HERC2: variants seen among roughly 807,000 people sequenced by gnomAD.
HERC2 encodes the protein E3 ubiquitin-protein ligase HERC2.
Under a neutral mutation model 537.7 loss-of-function variants are expected in HERC2, and 102 were observed. That is an observed-to-expected ratio of 0.19 (90% CI 0.16 to 0.22). The LOEUF (loss-of-function observed/expected upper bound fraction) is 0.22. Among genes scored for constraint, HERC2 ranks in the 10% least tolerant of loss-of-function variants. The probability of loss-of-function intolerance (pLI) is 1.00; values close to 1 mark genes in which losing one functional copy is unlikely to be tolerated. For missense variants in HERC2, 4,236 were observed against 6,198.2 expected (o/e 0.68, Z 10.63); for synonymous variants, 2,224 against 2,466.2 (o/e 0.90, Z 2.91).
chr15:28,193,426 T>C (rs1341571882), intron 52 of HERC2, among the ~76,000 whole-genome samples: 1 of 152,074 alleles, frequency 6.6e-6, no homozygotes, highest in Non-Finnish European at 1.5e-5. Context: ...AATGAAGAAC[T>C]GAGGAACAAA....
At chr15:28,242,121 T>A (rs1487454678) in intron 23 of HERC2, among the ~76,000 whole-genome samples, 3 of 152,168 alleles carry the variant, frequency 2.0e-5, no homozygotes, top group African/African-American at 7.2e-5. Flanking sequence ...AGTAGTCAAA[T>A]TCAGACACAG....
intron 4 of HERC2, among the ~76,000 whole-genome samples, chr15:28,284,919 GAAAAAA>G (rs551327935): frequency 6.1e-5 from 2 of 32,526 alleles, no homozygotes; most frequent in Non-Finnish European, 1.3e-4. Context: ...CTCCGTCTCG[GAAAAAA>G]AAAAAAAAAA....
At chr15:28,299,323 T>C (rs1238608372) in intron 3 of HERC2, 79 bp downstream of exon 3, 5 of 590,792 alleles carry the variant, frequency 8.5e-6, no homozygotes, top group Non-Finnish European at 9.1e-6. Flanking sequence ...CCTGTTCCTA[T>C]AGCACATTAC....
At chr15:28,127,591 G>A (rs1467145495) in intron 83 of HERC2, among the ~76,000 whole-genome samples, 2 of 152,156 alleles carry the variant, frequency 1.3e-5, no homozygotes, top group Non-Finnish European at 2.9e-5. Context: ...CAATAGCAAT[G>A]AGCACACCCA....
At chr15:28,289,441 G>A (rs1002596047) in intron 4 of HERC2, among the ~76,000 whole-genome samples, 1 of 152,156 alleles carries the variant, frequency 6.6e-6, no homozygotes, top group Admixed American at 6.6e-5. Flanking sequence ...CTGCAGAGCT[G>A]AGAGAAAATA....
Position 28,116,682 on chromosome 15 carries a change from C to T in HERC2, c.13592G>A (p.Ser4531Asn), listed in dbSNP as rs375076029. ...SPAARAPVHS[S>N]MFRFLGVLLG... ...AAGCTCACCCAGGAAGCGGAACATGCTGCTGTGCACGGGTGCTCTGGCGGC... is the reference window on the plus strand; with the variant it reads ...AAGCTCACCCAGGAAGCGGAACATGTTGCTGTGCACGGGTGCTCTGGCGGC... Residue 4531 changes from serine to asparagine, a missense_variant, in exon 88 of 93, where the codon AGC becomes AAC. Ser to Asn is a conservative substitution (Grantham distance 46). This residue lies in a region of HERC2 where 313 missense variants were observed against 462.6 expected (regional missense o/e 0.68). Coordinates refer to ENST00000261609, the MANE Select transcript of HERC2 (RefSeq NM_004667.6). 2 of 1,610,828 alleles carry T rather than the reference C, an allele frequency of 1.2e-6. No individual in the cohort carries two copies. The highest frequency in any genetic ancestry group is 2.7e-5 in the African/African-American group (2 of 74,864).
intron 44 of HERC2, among the ~76,000 whole-genome samples, chr15:28,209,810 T>C (rs1178170906): frequency 6.6e-6 from 1 of 152,140 alleles, no homozygotes; most frequent in African/African-American, 2.4e-5. Flanking sequence ...AGTACCATCA[T>C]TTTGAATGGC....
At chr15:28,188,421 A>G (rs567495301) in intron 55 of HERC2, among the ~76,000 whole-genome samples, 4 of 152,076 alleles carry the variant, frequency 2.6e-5, no homozygotes, top group African/African-American at 9.6e-5. Flanking sequence ...GCAGGCGCCT[A>G]TAGTCCCAGC....
At chr15:28,244,718 G>T (rs879302344) in intron 23 of HERC2, among the ~76,000 whole-genome samples, 5 of 152,136 alleles carry the variant, frequency 3.3e-5, no homozygotes, top group Admixed American at 3.3e-4. Context: ...AACAAAAGGG[G>T]AAGAATGGTG....
chr15:28,311,865 G>A (rs2076954755), intron 2 of HERC2, among the ~76,000 whole-genome samples: 1 of 151,822 alleles, frequency 6.6e-6, no homozygotes, highest in Admixed American at 6.6e-5. Flanking sequence ...GTGTTACAGA[G>A]GTACCATTTT....
At chr15:28,121,985 G>A (rs550477420) in intron 85 of HERC2, among the ~76,000 whole-genome samples, 113 of 146,556 alleles carry the variant, frequency 7.7e-4, no homozygotes, top group African/African-American at 2.8e-3. Flanking sequence ...CAGCAGCCAC[G>A]GGCCAGGGAG....
In HERC2 at chr15:28,270,772, C is replaced by A; in HGVS notation, c.1180G>T (p.Val394Phe). Residue 394 changes from valine to phenylalanine, a missense_variant, in exon 10 of 93, where the codon GTT becomes TTT. Val to Phe is a conservative substitution (Grantham distance 50). Transcript: ENST00000261609. Reference sequence around the variant, plus strand: ...CGGTCTAAATGGGCCATGACAACAACCGCCGTTTGTCGCAGATCAATGGCA... The same window carrying A: ...CGGTCTAAATGGGCCATGACAACAAACGCCGTTTGTCGCAGATCAATGGCA... ...ELAIDLRQTA[V>F]VVMAHLDRLA... 6.2e-7 allele frequency: 1 copy of A among 1,613,942 alleles called. No homozygotes were observed. Among genetic ancestry groups the A allele is most frequent in the Non-Finnish European group, 8.5e-7 (1 of 1,179,852 alleles).
intron 89 of HERC2, 67 bp from the exon 90 acceptor site, chr15:28,114,869 A>T: frequency 2.2e-6 from 3 of 1,340,722 alleles, no homozygotes; most frequent in South Asian, 1.2e-5. Context: ...ACTCCAGTCC[A>T]CCCAGCACAC....
chr15:28,310,239 A>G (rs1000009522), intron 2 of HERC2, among the ~76,000 whole-genome samples: 5 of 152,212 alleles, frequency 3.3e-5, no homozygotes, highest in Non-Finnish European at 4.4e-5. Flanking sequence ...TGAGCTCAGG[A>G]GTACAAGACC....
At chr15:28,117,390 G>A in intron 86 of HERC2, 1 of 698,760 alleles carries the variant, frequency 1.4e-6, no homozygotes, top group South Asian at 1.5e-5. Context: ...GTGCCCAGCA[G>A]CCCCCAGGAC....
At chr15:28,131,440 A>G (rs954830804) in intron 81 of HERC2, among the ~76,000 whole-genome samples, 2 of 152,220 alleles carry the variant, frequency 1.3e-5, no homozygotes, top group Non-Finnish European at 2.9e-5. Flanking sequence ...TACCCAGCAG[A>G]GCACCTGGGC....
chr15:28,170,395 G>A (rs1181599220), intron 65 of HERC2, among the ~76,000 whole-genome samples: 4 of 152,174 alleles, frequency 2.6e-5, no homozygotes, highest in African/African-American at 9.7e-5. Context: ...GTTGACAAAC[G>A]TGCAAAAGCA....
chr15:28,264,031 A>C (rs902773938), intron 14 of HERC2, among the ~76,000 whole-genome samples: 6 of 151,748 alleles, frequency 4.0e-5, no homozygotes, highest in South Asian at 2.1e-4. Flanking sequence ...AAAAAAAAAA[A>C]AAAAAAACAA....
intron 6 of HERC2, 120 bp downstream of exon 6, chr15:28,274,785 A>G: frequency 2.6e-6 from 2 of 761,550 alleles, no homozygotes; most frequent in Non-Finnish European, 4.4e-6. Context: ...AAGCAAGGAA[A>G]CTGAGGCACA....
Sources: allele counts gnomAD v4.1 joint callset (sites outside exome capture counted in the v4.1 genomes callset), GRCh38; gene constraint gnomAD v4.1.1; regional missense constraint gnomAD v4.1.1; transcripts MANE v1.5; gene names NCBI Gene and HGNC (gene_info 2026-07-23, HGNC 2026-07-21).